Variants in ACSS3 observed in about 807,000 individuals in gnomAD.
ACSS3 encodes acyl-CoA synthetase short-chain family member 3, mitochondrial.
ACSS3 carries 64 observed loss-of-function variants against 84.2 expected under a neutral mutation model. That is an observed-to-expected ratio of 0.76 (90% CI 0.62 to 0.94). ACSS3 has a LOEUF of 0.94. Among genes scored for constraint, ACSS3 ranks in the 40% least tolerant of loss-of-function variants. The pLI is 0.00. For synonymous variants in ACSS3, 317 were observed against 310.1 expected, an observed-to-expected ratio of 1.02 and a Z score of -0.23; for missense variants, 815 against 867.6, an observed-to-expected ratio of 0.94 and a Z score of 0.76.
intron 1 of ACSS3, among the ~76,000 whole-genome samples, chr12:81,083,969 C>G (rs1193001514): frequency 6.6e-6 from 1 of 151,992 alleles, no homozygotes; most frequent in Non-Finnish European, 1.5e-5. Context: ...AAAAAACAAA[C>G]AAGAACAACA....
intron 2 of ACSS3, among the ~76,000 whole-genome samples, chr12:81,122,980 CT>C (rs761414820): frequency 1.3e-3 from 193 of 152,160 alleles, no homozygotes; most frequent in Middle Eastern, 3.4e-3. Context: ...ATCAATGGTA[CT>C]TTTCTGAGTG....
chr12:81,251,868 T>C (rs1275022596), intron 13 of ACSS3, among the ~76,000 whole-genome samples: 1 of 151,722 alleles, frequency 6.6e-6, no homozygotes, highest in Non-Finnish European at 1.5e-5. Context: ...CAAACAAACA[T>C]AAAAACCCGA....
chr12:81,083,737 T>TGAGGCAGGCAGATGACG (rs1230567625), intron 1 of ACSS3, among the ~76,000 whole-genome samples: 2 of 151,916 alleles, frequency 1.3e-5, no homozygotes, highest in Admixed American at 6.6e-5. Flanking sequence ...TTTGGGAGGC[T>TGAGGCAGGCAGATGACG]GAGGCAGGCA....
In ACSS3 at chr12:81,259,798, T is replaced by C; in HGVS notation, c.*4876T>C. 1.6e-6 allele frequency: 1 copy of C among 626,998 alleles called. No homozygotes were observed. Among genetic ancestry groups the C allele is most frequent in the Non-Finnish European group, 2.6e-6 (1 of 379,540 alleles). The allele number at this position is 626,998 out of a possible 1,614,324, so 38.8% of individuals were successfully genotyped here. ...ATCATGAGAAGGAAATCATCTAGGATGTAGCCAACAGCCGTATGTAATTAA... is the reference window on the plus strand; with the variant it reads ...ATCATGAGAAGGAAATCATCTAGGACGTAGCCAACAGCCGTATGTAATTAA... On this transcript the variant is annotated 3_prime_UTR_variant, in exon 16 of 16. Transcript: ENST00000548058.
chr12:81,200,351 A>T (rs1458295094), intron 9 of ACSS3, among the ~76,000 whole-genome samples: 1 of 152,202 alleles, frequency 6.6e-6, no homozygotes, highest in Non-Finnish European at 1.5e-5. Flanking sequence ...AATGAATTAG[A>T]TCAACCTTTT....
intron 9 of ACSS3, among the ~76,000 whole-genome samples, chr12:81,212,612 C>T (rs1364310054): frequency 6.6e-6 from 1 of 152,100 alleles, no homozygotes; most frequent in African/African-American, 2.4e-5. Flanking sequence ...CCTTTTCTCT[C>T]TGTAGTCTTG....
rs191300658 is a variant in ACSS3 at position 81,253,244 on chromosome 12, T to C, written c.1720-63T>C. On this transcript the variant is annotated intron_variant, in intron 13 of 15. Transcript: ENST00000548058. ...ATATCTATATCTGTATCTATATCTA[T>C]ATGTTGAATATACATATATGGTAAA... 4.7e-4 allele frequency: 688 copies of C among 1,467,252 alleles called. 1 individual carries two copies. The highest frequency in any genetic ancestry group is 6.1e-4 in the Non-Finnish European group (644 of 1,047,960). The allele number at this position is 1,467,252 out of a possible 1,614,324, so 90.9% of individuals were successfully genotyped here. A position where few individuals can be genotyped will look rare whatever the true frequency, so the allele number is the denominator to read the frequency against.
Position 81,108,478 on chromosome 12 carries a change from C to T in ACSS3, c.312-1082C>T, listed in dbSNP as rs541266738. On this transcript the variant is annotated intron_variant, in intron 1 of 15. Coordinates refer to ENST00000548058, the MANE Select transcript of ACSS3 (RefSeq NM_024560.4). ...ATTTTTAGTAAAGACAGGGTTTCAC[C>T]ATCTTGGCCAGGTTGGTCTTGAACT... Among the ~76,000 whole-genome samples the T allele has an allele frequency of 3.4e-4, 51 of 151,990 alleles. No homozygotes were observed. The South Asian group carries it at 9.8e-3, about 29-fold the overall frequency.
intron 2 of ACSS3, among the ~76,000 whole-genome samples, chr12:81,133,561 T>C (rs1316002584): frequency 6.6e-6 from 1 of 152,154 alleles, no homozygotes; most frequent in African/African-American, 2.4e-5. Flanking sequence ...TTCATAGATA[T>C]CCACTTTTTT....
chr12:81,108,339 C>T (rs532453950), intron 1 of ACSS3, among the ~76,000 whole-genome samples: 2 of 151,628 alleles, frequency 1.3e-5, no homozygotes, highest in South Asian at 2.1e-4. Flanking sequence ...AGTGCAGTGG[C>T]GTGATCTTGG....
In ACSS3 at chr12:81,216,910, C is replaced by A; in HGVS notation, c.1364C>A (p.Ser455Tyr). ...ACATTTCTTTTTCCAGAGACTGGAT[C>A]TCCAATTACTGCGTCATGTGTTGGA... ...LDHWWQTETG[S>Y]PITASCVGLG... Residue 455 changes from serine (S) to tyrosine (Y), a missense_variant, in exon 10 of 16, where the codon TCT becomes TAT. By Grantham distance (144) the Ser-to-Tyr change is moderately radical. Transcript: ENST00000548058. 1 of 1,610,114 alleles carries A rather than the reference C, an allele frequency of 6.2e-7. No homozygotes were observed. The highest frequency in any genetic ancestry group is 1.1e-5 in the South Asian group (1 of 91,000).
chr12:81,122,818 T>C (rs35713634), intron 2 of ACSS3, among the ~76,000 whole-genome samples: 53,387 of 152,026 alleles, frequency 0.35, 11,859 homozygotes, highest in Non-Finnish European at 0.5. Context: ...ATTTTTTATA[T>C]GTAATAAAGC....
chr12:81,252,109 CT>C (rs1435733501), intron 13 of ACSS3, among the ~76,000 whole-genome samples: 1 of 152,012 alleles, frequency 6.6e-6, no homozygotes, highest in African/African-American at 2.4e-5. Context: ...GCCCCAACCC[CT>C]TCTCCTTGCC....
chr12:81,116,565 C>T (rs1884061517), intron 2 of ACSS3, among the ~76,000 whole-genome samples: 1 of 152,110 alleles, frequency 6.6e-6, no homozygotes, highest in East Asian at 1.9e-4. Flanking sequence ...GTCCAGAGCA[C>T]TTTGCTTACA....
intron 4 of ACSS3, among the ~76,000 whole-genome samples, chr12:81,139,630 A>ATAG (rs1555250962): frequency 7.0e-6 from 1 of 142,048 alleles, no homozygotes; most frequent in Non-Finnish European, 1.5e-5. Flanking sequence ...AATAATAATA[A>ATAG]TAATAATTAT....
intron 7 of ACSS3, among the ~76,000 whole-genome samples, chr12:81,165,459 C>A (rs1299618908): frequency 6.6e-6 from 1 of 152,102 alleles, no homozygotes. Context: ...TCCTGGCTAA[C>A]ACAGTGAAAC....
intron 8 of ACSS3, among the ~76,000 whole-genome samples, chr12:81,175,325 T>G (rs2030393940): frequency 6.6e-6 from 1 of 152,114 alleles, no homozygotes; most frequent in South Asian, 2.1e-4. Context: ...TTTGAATGCA[T>G]GTATACAGAT....
At chr12:81,121,703 G>C (rs944891767) in intron 2 of ACSS3, among the ~76,000 whole-genome samples, 7 of 152,016 alleles carry the variant, frequency 4.6e-5, no homozygotes, top group Non-Finnish European at 8.8e-5. Flanking sequence ...TGATTGTAAA[G>C]TGTGTTTGAT....
rs543680185 is a variant in ACSS3, at chr12:81,190,204, A to G, written c.1251-9137A>G. 2.2e-3 allele frequency among the ~76,000 whole-genome samples: 326 copies of G among 145,740 alleles called. 1 individual carries two copies. Among genetic ancestry groups the G allele is most frequent in the African/African-American group, 7.2e-3 (297 of 41,020 alleles). Reference sequence around the variant, plus strand: ...GCCTAGCAGTTTCAAACACAAAAACATAGAGATAGAGAGAGAGACTTTACA... The same window carrying G: ...GCCTAGCAGTTTCAAACACAAAAACGTAGAGATAGAGAGAGAGACTTTACA... On this transcript the variant is annotated intron_variant, in intron 8 of 15. Coordinates refer to ENST00000548058, the MANE Select transcript of ACSS3 (RefSeq NM_024560.4).
Sources: gnomAD v4.1 joint callset for allele counts (sites outside exome capture counted in the v4.1 genomes callset) on GRCh38, gnomAD v4.1.1 for gene constraint, MANE v1.5 for transcripts, NCBI Gene and HGNC (gene_info 2026-07-23, HGNC 2026-07-21) for gene names.